FOCAD: variants seen among roughly 807,000 people sequenced by gnomAD.
FOCAD encodes the protein focadhesin.
A neutral mutation model predicts 225.6 loss-of-function variants in FOCAD; 198 were observed. The observed-to-expected ratio is 0.88, with a 90% CI of 0.78 to 0.99. The LOEUF (loss-of-function observed/expected upper bound fraction) is 0.99, where lower values mean the gene tolerates loss of function less well. Among genes scored for constraint, FOCAD ranks in the 50% least tolerant of loss-of-function variants. The pLI, the probability that FOCAD is intolerant of heterozygous loss-of-function variation, is 0.00. For missense variants in FOCAD, 2,713 were observed against 2,123.6 expected, an observed-to-expected ratio of 1.28 and a Z score of -5.46; for synonymous variants, 897 against 755.0, an observed-to-expected ratio of 1.19 and a Z score of -3.08.
At chr9:20,901,444 A>G (rs1832555317) in intron 21 of FOCAD, among the ~76,000 whole-genome samples, 1 of 151,932 alleles carries the variant, frequency 6.6e-6, no homozygotes, top group Non-Finnish European at 1.5e-5. Context: ...TTCGACAATC[A>G]AAGAATGCCA....
At chr9:20,907,122 A>C in intron 21 of FOCAD, 28 bp from the exon 22 acceptor site, 1 of 1,528,010 alleles carries the variant, frequency 6.5e-7, no homozygotes, top group Non-Finnish European at 9.1e-7. Flanking sequence ...TGTGTAGCCT[A>C]ATATGTTGTG....
chr9:20,859,972 C>G (rs1403378385), intron 15 of FOCAD, among the ~76,000 whole-genome samples: 2 of 151,630 alleles, frequency 1.3e-5, no homozygotes, highest in African/African-American at 4.8e-5. Flanking sequence ...TAAAAATGTT[C>G]CAAACTTGAA....
intron 21 of FOCAD, among the ~76,000 whole-genome samples, chr9:20,896,327 G>T (rs1832084013): frequency 6.6e-6 from 1 of 151,724 alleles, no homozygotes; most frequent in Non-Finnish European, 1.5e-5. Flanking sequence ...TCCTATTCTT[G>T]TTAATACCTT....
upstream of FOCAD, among the ~76,000 whole-genome samples, chr9:20,680,288 G>A (rs1250430298): frequency 1.3e-5 from 2 of 152,298 alleles, no homozygotes; most frequent in African/African-American, 2.4e-5. Flanking sequence ...GTCCGGGTGC[G>A]ATGGCTCATG....
chr9:20,659,474 A>G (rs1821646397), intron 2 of FOCAD, among the ~76,000 whole-genome samples: 1 of 84,552 alleles, frequency 1.2e-5, no homozygotes, highest in Admixed American at 1.2e-4. Flanking sequence ...GAGGTGATTA[A>G]GATATAAGAA....
At chr9:20,939,587 T>A (rs1396757142) in intron 28 of FOCAD, among the ~76,000 whole-genome samples, 1 of 152,178 alleles carries the variant, frequency 6.6e-6, no homozygotes, top group Non-Finnish European at 1.5e-5. Context: ...ACTGAGGTGT[T>A]TAAAAATTTC....
chr9:20,690,855 C>T (rs1368283732), intron 1 of FOCAD, among the ~76,000 whole-genome samples: 3 of 151,704 alleles, frequency 2.0e-5, no homozygotes, highest in African/African-American at 7.3e-5. Flanking sequence ...TTTCATTTTC[C>T]TAAATCTAAA....
intron 2 of FOCAD, among the ~76,000 whole-genome samples, chr9:20,664,924 A>G (rs1275017530): frequency 6.6e-6 from 1 of 150,674 alleles, no homozygotes; most frequent in Non-Finnish European, 1.5e-5. Context: ...AGTTTTTGGT[A>G]TTTTGAAATG....
At chr9:20,895,456 A>T (rs1359115087) in intron 21 of FOCAD, among the ~76,000 whole-genome samples, 1 of 151,908 alleles carries the variant, frequency 6.6e-6, no homozygotes, top group African/African-American at 2.4e-5. Context: ...TGAACCTGGA[A>T]TATTTCTCTA....
At chr9:20,771,513 C>G (rs1173293454) in intron 8 of FOCAD, among the ~76,000 whole-genome samples, 1 of 152,146 alleles carries the variant, frequency 6.6e-6, no homozygotes, top group East Asian at 1.9e-4. Flanking sequence ...AATCCCAGCA[C>G]TTTGGGAGGC....
At chr9:20,775,925 A>AT (rs1818711842) in intron 8 of FOCAD, among the ~76,000 whole-genome samples, 1 of 150,362 alleles carries the variant, frequency 6.7e-6, no homozygotes, top group Admixed American at 6.6e-5. Flanking sequence ...TATTTTATTT[A>AT]TTTATTTTAT....
At position 20,923,746 on chromosome 9, in the gene FOCAD, C is replaced by G; in HGVS notation, c.2939C>G (p.Ser980Ter). 5 of 1,613,838 alleles carry G rather than the reference C, an allele frequency of 3.1e-6. No homozygotes were observed. The highest frequency in any genetic ancestry group is 4.2e-6 in the Non-Finnish European group (5 of 1,179,818). Residue 980 changes from serine to a stop codon, truncating the protein, a stop_gained, in exon 25 of 44, where the codon TCA (serine) becomes TGA (stop). Coordinates refer to ENST00000338382, the MANE Select transcript of FOCAD (RefSeq NM_001375567.1). LOFTEE classifies it high-confidence loss of function. Reference protein sequence around the residue: ...VVSRHEASLSSDSDGLLEVQP... With the variant: ...VVSRHEASLS Reference sequence around the variant, plus strand: ...TCTAGACATGAAGCCAGCCTCTCCTCAGACTCTGACGGGCTCCTGGAGGTT... The same window carrying G: ...TCTAGACATGAAGCCAGCCTCTCCTGAGACTCTGACGGGCTCCTGGAGGTT...
intron 24 of FOCAD, 23 bp from the exon 25 acceptor site, chr9:20,923,637 G>A (rs1564157757): frequency 6.3e-7 from 1 of 1,597,620 alleles, no homozygotes; most frequent in Admixed American, 1.7e-5. Flanking sequence ...GTTCTCTGTT[G>A]AAATTTTTTT....
At chr9:20,713,690 A>G (rs1408025711) in intron 1 of FOCAD, among the ~76,000 whole-genome samples, 1 of 152,228 alleles carries the variant, frequency 6.6e-6, no homozygotes, top group Non-Finnish European at 1.5e-5. Context: ...CACAATAGGC[A>G]ACTAATAAGT....
At chr9:20,924,642 TTTG>T (rs1303885085) in intron 25 of FOCAD, among the ~76,000 whole-genome samples, 1 of 152,218 alleles carries the variant, frequency 6.6e-6, no homozygotes, top group Non-Finnish European at 1.5e-5. Flanking sequence ...GTATTCTTTT[TTTG>T]TTGTTGTGGG....
chr9:20,889,105 C>T (rs879491873), intron 21 of FOCAD, among the ~76,000 whole-genome samples: 1 of 152,216 alleles, frequency 6.6e-6, no homozygotes, highest in African/African-American at 2.4e-5. Context: ...AGAAAAGAAA[C>T]TGTGTACCCA....
chr9:20,726,877 G>T (rs936589611), intron 4 of FOCAD, among the ~76,000 whole-genome samples: 1 of 152,062 alleles, frequency 6.6e-6, no homozygotes, highest in African/African-American at 2.4e-5. Context: ...GTATTATTTA[G>T]CTTCTTTCTC....
rs932869043 is a variant in FOCAD, at chr9:20,952,657, C to G, written c.4052-328C>G. ...TCGTTGCTGAACGCTGAGGAGGTCA[C>G]TGGATTAGGGCTTATTGATGTGACA... On this transcript the variant is annotated intron_variant, in intron 34 of 43. Coordinates refer to ENST00000338382, the MANE Select transcript of FOCAD (RefSeq NM_001375567.1). 6 of 321,310 alleles carry G rather than the reference C, an allele frequency of 1.9e-5. No homozygotes were observed. The South Asian group carries it at 2.0e-4, about 11-fold the overall frequency. The allele number at this position is 321,310 out of a possible 1,614,324, so 19.9% of individuals were successfully genotyped here.
Position 20,907,136 on chromosome 9 carries a change from C to G in FOCAD, c.2626-14C>G. On this transcript the variant is annotated splice_polypyrimidine_tract_variant and intron_variant, in intron 21 of 43. Transcript: ENST00000338382. ...CTGTGTAGCCTAATATGTTGTGGTA[C>G]ATTTTTCCCATAGGTTCATATCCAG... The G allele has an allele frequency of 1.2e-6, 2 of 1,600,950 alleles. No individual in the cohort carries two copies. Among genetic ancestry groups the G allele is most frequent in the Non-Finnish European group, 1.7e-6 (2 of 1,168,766 alleles).
Sources: allele counts gnomAD v4.1 joint callset (sites outside exome capture counted in the v4.1 genomes callset), GRCh38; gene constraint gnomAD v4.1.1; transcripts MANE v1.5; gene names NCBI Gene and HGNC (gene_info 2026-07-23, HGNC 2026-07-21).